Variants in NET1 observed in about 807,000 individuals in gnomAD.
NET1 encodes neuroepithelial cell transforming 1, also known as neuroepithelial cell-transforming gene 1 protein.
A neutral mutation model predicts 61.1 loss-of-function variants in NET1; 42 were observed. That is an observed-to-expected ratio of 0.69 (90% CI 0.54 to 0.89). The LOEUF (loss-of-function observed/expected upper bound fraction) is 0.89. Among genes scored for constraint, NET1 ranks in the 40% least tolerant of loss-of-function variants. The pLI, the probability that NET1 is intolerant of heterozygous loss-of-function variation, is 0.00. For missense variants in NET1, 654 were observed against 747.3 expected (o/e 0.88, Z 1.46); for synonymous variants, 254 against 281.8 (o/e 0.90, Z 0.99).
At chr10:5,425,896 C>A (rs551178692) in intron 1 of NET1, among the ~76,000 whole-genome samples, 2 of 152,090 alleles carry the variant, frequency 1.3e-5, no homozygotes, top group African/African-American at 2.4e-5. Context: ...TTATAAACTG[C>A]CTTTATCTCT....
rs1256338341 is a variant in NET1 at position 5,431,514 on chromosome 10, C to T, written c.255+2285C>T. ...TGGTGGTTGCAAAGTGATGACATGT[C>T]TTTATCAGACCTCTGTTTATTAACT... On this transcript the variant is annotated intron_variant, in intron 3 of 11. Transcript: ENST00000355029. The surrounding 1 kb of genome is among the most constrained non-coding windows in gnomAD (Gnocchi z 4.9). Among the ~76,000 whole-genome samples the T allele has an allele frequency of 6.6e-6, 1 of 151,818 alleles. No individual in the cohort carries two copies. The highest frequency in any genetic ancestry group is 1.5e-5 in the Non-Finnish European group (1 of 67,988).
chr10:5,429,198 AT>A lies in NET1; in HGVS notation c.225del (p.Asp75GlufsTer3). ...AGAAAACGCAGAGAGAAAGATGATG[AT>A]GTTGTAAGCCTTAGCAGCCTTGATC... is the stretch of plus-strand genomic sequence containing the variant. Reference protein sequence around the residue: ...LKRKRREKDDDVVSLSSLDLK... With the variant: ...LKRKRREKDDXVVSLSSLDLK... On this transcript the variant is annotated frameshift_variant, in exon 3 of 12. Transcript: ENST00000355029. LOFTEE classifies it high-confidence loss of function. The A allele has an allele frequency of 6.2e-7, 1 of 1,610,794 alleles. No individual in the cohort carries two copies. The highest frequency in any genetic ancestry group is 8.5e-7 in the Non-Finnish European group (1 of 1,178,296).
chr10:5,418,568 G>A (rs1832116505), intron 1 of NET1, among the ~76,000 whole-genome samples: 1 of 152,010 alleles, frequency 6.6e-6, no homozygotes. Flanking sequence ...CTACAGTCTT[G>A]TCAATCTTGA....
chr10:5,452,480 C>G lies in NET1; in HGVS notation c.486C>G (p.Ile162Met). Reference protein sequence around the residue: ...SSALWSEMLDITMKESLTTRE... With the variant: ...SSALWSEMLDMTMKESLTTRE... ...CACTGTGGTCAGAGATGCTGGACAT[C>G]ACCATGAAGGAGTCTCTCACCACCA... The change falls in exon 5 of 12, where the codon ATC (isoleucine) becomes ATG (methionine). Residue 162 changes from isoleucine to methionine, a missense_variant. By Grantham distance (10) the Ile-to-Met change is conservative. Transcript: ENST00000355029. The surrounding 1 kb of genome is among the most constrained non-coding windows in gnomAD (Gnocchi z 4.0). 1 of 1,614,076 alleles carries G rather than the reference C, an allele frequency of 6.2e-7. No individual in the cohort carries two copies. The highest frequency in any genetic ancestry group is 8.5e-7 in the Non-Finnish European group (1 of 1,179,972).
rs565653098 is a variant in NET1 at position 5,420,601 on chromosome 10, T to C, written c.129-6054T>C. Among the ~76,000 whole-genome samples, 226 of 152,200 alleles carry C rather than the reference T, an allele frequency of 1.5e-3. 1 individual carries two copies. The highest frequency in any genetic ancestry group is 4.9e-3 in the African/African-American group (205 of 41,526). ...AAGGTCTTTCTTTTTTATTTTATTT[T>C]TTTATTTATTTTTGAGATGGAGTCT... On this transcript the variant is annotated intron_variant, in intron 1 of 11. Transcript: ENST00000355029. This position sits in a 1 kb window ranked among gnomAD's most constrained non-coding sequence, Gnocchi z 5.3.
In NET1 at chr10:5,423,452, C is replaced by T. The variant is rs1259052621; in HGVS notation, c.129-3203C>T. 6.6e-6 allele frequency among the ~76,000 whole-genome samples: 1 copy of T among 152,040 alleles called. No homozygotes were observed. The highest frequency in any genetic ancestry group is 1.5e-5 in the Non-Finnish European group (1 of 67,986). On this transcript the variant is annotated intron_variant, in intron 1 of 11. Coordinates refer to ENST00000355029, the MANE Select transcript of NET1 (RefSeq NM_001047160.3). The surrounding 1 kb of genome is among the most constrained non-coding windows in gnomAD (Gnocchi z 4.4). ...TTAGTGTAAATACATTGTTCAAAAA[C>T]ATACCAAATGATATGAAAGGAAAAC...
rs919030541 is a variant in NET1, at chr10:5,415,745, A to C, written c.128+2925A>C. Among the ~76,000 whole-genome samples, 4 of 151,992 alleles carry C rather than the reference A, an allele frequency of 2.6e-5. No homozygotes were observed. The highest frequency in any genetic ancestry group is 5.9e-5 in the Non-Finnish European group (4 of 67,988). On this transcript the variant is annotated intron_variant, in intron 1 of 11. Transcript: ENST00000355029. This position sits in a 1 kb window ranked among gnomAD's most constrained non-coding sequence, Gnocchi z 4.7. ...TGAGCCACCGCACCTGGCCCTGTTC[A>C]TTTTTAAATTTCTTTTTTATTGAGT...
chr10:5,422,434 A>G lies in NET1; in HGVS notation c.129-4221A>G, dbSNP rs1310561848. Among the ~76,000 whole-genome samples, 1 of 152,188 alleles carries G rather than the reference A, an allele frequency of 6.6e-6. No homozygotes were observed. The highest frequency in any genetic ancestry group is 2.4e-5 in the African/African-American group (1 of 41,452). On this transcript the variant is annotated intron_variant, in intron 1 of 11. Transcript: ENST00000355029. The surrounding 1 kb of genome is among the most constrained non-coding windows in gnomAD (Gnocchi z 4.1). ...CAGGTCCTACGGTAAACTTACCACT[A>G]ACATCTTAAGGAATTGCCACACTGT...
In NET1 at chr10:5,457,857, C is replaced by T. The variant is rs1013245905; in HGVS notation, c.*863C>T. 7.9e-5 allele frequency: 12 copies of T among 152,400 alleles called. No individual in the cohort carries two copies. Among genetic ancestry groups the T allele is most frequent in the Non-Finnish European group, 1.6e-4 (11 of 68,014 alleles). 9.4% of individuals were successfully genotyped at this position (152,400 alleles called of 1,614,324 possible). ...TTCAGGGTAAAGACCCATGAAATGGCTTGATGTATTCTAGACTACTGAAAG... is the reference window on the plus strand; with the variant it reads ...TTCAGGGTAAAGACCCATGAAATGGTTTGATGTATTCTAGACTACTGAAAG... On this transcript the variant is annotated 3_prime_UTR_variant, in exon 12 of 12. Transcript: ENST00000355029. The surrounding 1 kb of genome is among the most constrained non-coding windows in gnomAD (Gnocchi z 5.4).
At chr10:5,436,997 C>T (rs1225964465) in intron 3 of NET1, among the ~76,000 whole-genome samples, 1 of 152,186 alleles carries the variant, frequency 6.6e-6, no homozygotes, top group African/African-American at 2.4e-5. Flanking sequence ...AAATACAAAA[C>T]AATTATTGCT....
In NET1 at chr10:5,457,131, T is replaced by C. The variant is rs1331591043; in HGVS notation, c.*137T>C. The C allele has an allele frequency of 1.2e-6, 1 of 836,944 alleles. No homozygotes were observed. The highest frequency in any genetic ancestry group is 1.7e-6 in the Non-Finnish European group (1 of 599,790). The allele number at this position is 836,944 out of a possible 1,614,324, so 51.8% of individuals were successfully genotyped here. A position where few individuals can be genotyped will look rare whatever the true frequency, so the allele number is the denominator to read the frequency against. ...TTTCATTGTTTTTGGTTGTTCTTTT[T>C]TCTTTTTTTAATGGCAGCTAAAGAT... On this transcript the variant is annotated 3_prime_UTR_variant, in exon 12 of 12. Coordinates refer to ENST00000355029, the MANE Select transcript of NET1 (RefSeq NM_001047160.3). This position sits in a 1 kb window ranked among gnomAD's most constrained non-coding sequence, Gnocchi z 5.4.
At chr10:5,433,239 C>T (rs991585450) in intron 3 of NET1, among the ~76,000 whole-genome samples, 3 of 152,242 alleles carry the variant, frequency 2.0e-5, no homozygotes, top group African/African-American at 7.2e-5. Flanking sequence ...ATGTTGAGTC[C>T]TTTCTAGTTT....
chr10:5,424,867 T>G lies in NET1; in HGVS notation c.129-1788T>G, dbSNP rs949215081. Among the ~76,000 whole-genome samples the G allele has an allele frequency of 6.6e-6, 1 of 152,194 alleles. No individual in the cohort carries two copies. Among genetic ancestry groups the G allele is most frequent in the Non-Finnish European group, 1.5e-5 (1 of 68,028 alleles). On this transcript the variant is annotated intron_variant, in intron 1 of 11. Transcript: ENST00000355029. This position sits in a 1 kb window ranked among gnomAD's most constrained non-coding sequence, Gnocchi z 6.1. ...AATCAGCTTCTCCTCTCTAATCTTGTTACTGCTGCCAGAGCCCCAGTCATC... is the reference window on the plus strand; with the variant it reads ...AATCAGCTTCTCCTCTCTAATCTTGGTACTGCTGCCAGAGCCCCAGTCATC...
Position 5,453,379 on chromosome 10 carries a change from A to G in NET1, c.691+33A>G, listed in dbSNP as rs756710118. 2 of 1,576,752 alleles carry G rather than the reference A, an allele frequency of 1.3e-6. No individual in the cohort carries two copies. Among genetic ancestry groups the G allele is most frequent in the South Asian group, 1.1e-5 (1 of 90,334 alleles). On this transcript the variant is annotated intron_variant, in intron 7 of 11. Transcript: ENST00000355029. The surrounding 1 kb of genome is among the most constrained non-coding windows in gnomAD (Gnocchi z 4.9). ...GTGCCACTTAATTGTCATTAAATCT[A>G]AAGAGCAGCGGTGCATGTAATTTTC... is the stretch of plus-strand genomic sequence containing the variant.
In NET1 at chr10:5,431,790, G is replaced by T. The variant is rs1168925575; in HGVS notation, c.255+2561G>T. Among the ~76,000 whole-genome samples the T allele has an allele frequency of 6.6e-6, 1 of 151,932 alleles. No homozygotes were observed. The highest frequency in any genetic ancestry group is 2.4e-5 in the African/African-American group (1 of 41,326). ...TTTTTAAATTTTGTTTTGTAGAAAA[G>T]ACAGGGTCTCACTATGTTGGCCAGG... On this transcript the variant is annotated intron_variant, in intron 3 of 11. Coordinates refer to ENST00000355029, the MANE Select transcript of NET1 (RefSeq NM_001047160.3). This position sits in a 1 kb window ranked among gnomAD's most constrained non-coding sequence, Gnocchi z 4.9.
Position 5,456,077 on chromosome 10 carries a change from A to C in NET1, c.1198-10A>C. 1 of 1,601,714 alleles carries C rather than the reference A, an allele frequency of 6.2e-7. No individual in the cohort carries two copies. The highest frequency in any genetic ancestry group is 8.5e-7 in the Non-Finnish European group (1 of 1,172,632). On this transcript the variant is annotated splice_polypyrimidine_tract_variant and intron_variant, in intron 10 of 11. Coordinates refer to ENST00000355029, the MANE Select transcript of NET1 (RefSeq NM_001047160.3). The surrounding 1 kb of genome is among the most constrained non-coding windows in gnomAD (Gnocchi z 7.0). ...GTTTCCTATTTAGCGTTTGTTTCCCATTTCTCCAGAAACTTTACATTTTCC... is the reference window on the plus strand; with the variant it reads ...GTTTCCTATTTAGCGTTTGTTTCCCCTTTCTCCAGAAACTTTACATTTTCC...
intron 3 of NET1, among the ~76,000 whole-genome samples, chr10:5,433,784 A>G (rs554429426): frequency 1.1e-3 from 169 of 151,544 alleles, no homozygotes; most frequent in Middle Eastern, 3.4e-3. Flanking sequence ...TGTACCCTTT[A>G]TATTATCTTG....
Position 5,454,867 on chromosome 10 carries a change from C to T in NET1, c.1027-81C>T. On this transcript the variant is annotated intron_variant, in intron 9 of 11. Transcript: ENST00000355029. The surrounding 1 kb of genome is among the most constrained non-coding windows in gnomAD (Gnocchi z 8.1). ...TTCAAGCTTTAAAGTTCTTCCATTC[C>T]ATATGACATTTTTGCTCTGCAGGAA... 1 of 1,334,462 alleles carries T rather than the reference C, an allele frequency of 7.5e-7. No individual in the cohort carries two copies. The highest frequency in any genetic ancestry group is 1.1e-6 in the Non-Finnish European group (1 of 944,314). The allele number at this position is 1,334,462 out of a possible 1,614,324, so 82.7% of individuals were successfully genotyped here. A position where few individuals can be genotyped will look rare whatever the true frequency, so the allele number is the denominator to read the frequency against.
rs556044832 is a variant in NET1 at position 5,440,203 on chromosome 10, C to T, written c.255+10974C>T. 1.4e-4 allele frequency among the ~76,000 whole-genome samples: 21 copies of T among 152,328 alleles called. 1 individual carries two copies. Among genetic ancestry groups the T allele is most frequent in the African/African-American group, 4.3e-4 (18 of 41,574 alleles). ...GTTCTGTGAAATATCCGGTCCTTGCCGACTTTGTGACAGAAAACAAAGTGA... is the reference window on the plus strand; with the variant it reads ...GTTCTGTGAAATATCCGGTCCTTGCTGACTTTGTGACAGAAAACAAAGTGA... On this transcript the variant is annotated intron_variant, in intron 3 of 11. Coordinates refer to ENST00000355029, the MANE Select transcript of NET1 (RefSeq NM_001047160.3). The surrounding 1 kb of genome is among the most constrained non-coding windows in gnomAD (Gnocchi z 4.1).
Sources: gnomAD v4.1 joint callset for allele counts (sites outside exome capture counted in the v4.1 genomes callset) on GRCh38, gnomAD v4.1.1 for gene constraint, Gnocchi (gnomAD v3.1) non-coding constraint, MANE v1.5 for transcripts, NCBI Gene and HGNC (gene_info 2026-07-23, HGNC 2026-07-21) for gene names.